Variants in AVL9 observed in about 807,000 individuals in gnomAD.
The protein encoded by AVL9 is late secretory pathway protein AVL9 homolog.
A neutral mutation model predicts 79.2 loss-of-function variants in AVL9; 49 were observed. That is an observed-to-expected ratio of 0.62 (90% CI 0.49 to 0.79). The LOEUF is 0.79. AVL9 is among the 30% of genes least tolerant of loss of function. AVL9 has a pLI of 0.00. For missense variants in AVL9, 682 were observed against 776.8 expected (o/e 0.88, Z 1.45); for synonymous variants, 299 against 280.6 (o/e 1.07, Z -0.65).
At chr7:32,563,464 T>C (rs1203645110) in intron 10 of AVL9, among the ~76,000 whole-genome samples, 1 of 150,490 alleles carries the variant, frequency 6.6e-6, no homozygotes, top group Non-Finnish European at 1.5e-5. Flanking sequence ...CCAAGGTTGG[T>C]TGAATCTGGT....
In AVL9 at chr7:32,575,354, C is replaced by T. The variant is rs960820155; in HGVS notation, c.1571-601C>T. Among the ~76,000 whole-genome samples, 10 of 152,172 alleles carry T rather than the reference C, an allele frequency of 6.6e-5. 1 individual carries two copies. Among genetic ancestry groups the T allele is most frequent in the Non-Finnish European group, 1.5e-4 (10 of 68,022 alleles). ...CCTCCAGTGATCCGCCCTCCTCGAC[C>T]TCCCAAAGTGCTGGGATTACAGGCA... On this transcript the variant is annotated intron_variant, in intron 12 of 15. Transcript: ENST00000318709.
At chr7:32,560,956 TC>T (rs1363707245) in intron 10 of AVL9, among the ~76,000 whole-genome samples, 7 of 152,324 alleles carry the variant, frequency 4.6e-5, no homozygotes, top group Middle Eastern at 6.8e-3. Flanking sequence ...GTGAAAGGAA[TC>T]TTTTTTTATT....
intron 1 of AVL9, among the ~76,000 whole-genome samples, chr7:32,512,504 A>G (rs1266368794): frequency 6.6e-6 from 1 of 152,212 alleles, no homozygotes; most frequent in East Asian, 1.9e-4. Flanking sequence ...GGGAGGGAGC[A>G]CAGAATGGCA....
intron 1 of AVL9, among the ~76,000 whole-genome samples, chr7:32,515,221 A>G (rs369569747): frequency 5.2e-4 from 79 of 152,314 alleles, no homozygotes; most frequent in African/African-American, 1.9e-3. Context: ...GGCAAAATAA[A>G]CTTTCTAAAT....
chr7:32,498,917 A>G (rs1334354077), intron 1 of AVL9, among the ~76,000 whole-genome samples: 1 of 5,044 alleles, frequency 2.0e-4, no homozygotes, highest in Non-Finnish European at 3.6e-4. Flanking sequence ...TAATCCTAAC[A>G]CTTTGGGAGG....
At chr7:32,570,241 A>G (rs755672231) in intron 11 of AVL9, 87 bp downstream of exon 11, 96 of 1,500,722 alleles carry the variant, frequency 6.4e-5, no homozygotes, top group Non-Finnish European at 8.7e-5. Flanking sequence ...TAGTAACAAC[A>G]TTAGTAATGA....
intron 1 of AVL9, among the ~76,000 whole-genome samples, chr7:32,508,973 AG>A (rs1250188014): frequency 6.6e-6 from 1 of 152,224 alleles, no homozygotes; most frequent in Admixed American, 6.5e-5. Flanking sequence ...TCAGCTTGCC[AG>A]GTTCTGCAAA....
chr7:32,582,712 G>T (rs1204851600), intron 15 of AVL9, among the ~76,000 whole-genome samples: 1 of 151,964 alleles, frequency 6.6e-6, no homozygotes, highest in Non-Finnish European at 1.5e-5. Flanking sequence ...CTGAGACAGG[G>T]TCTCACTCTG....
chr7:32,543,043 G>A (rs938363339), intron 1 of AVL9, 98 bp from the exon 2 acceptor site: 21 of 1,493,346 alleles, frequency 1.4e-5, no homozygotes, highest in South Asian at 1.1e-4. Context: ...GGCTTATCCC[G>A]ACTTCTGTCA....
chr7:32,545,990 G>A (rs6951476), intron 3 of AVL9, among the ~76,000 whole-genome samples: 1 of 151,176 alleles, frequency 6.6e-6, no homozygotes, highest in Non-Finnish European at 1.5e-5. Flanking sequence ...TTAAAAGCTC[G>A]CCAGGTGATT....
At chr7:32,542,947 A>G (rs1480929755) in intron 1 of AVL9, among the ~76,000 whole-genome samples, 194 bp from the exon 2 acceptor site, 1 of 152,214 alleles carries the variant, frequency 6.6e-6, no homozygotes, top group Non-Finnish European at 1.5e-5. Context: ...AGAAAGGCTT[A>G]TAAACTTTTC....
chr7:32,526,439 C>T (rs960461922), intron 1 of AVL9, among the ~76,000 whole-genome samples: 6 of 152,036 alleles, frequency 3.9e-5, no homozygotes, highest in Non-Finnish European at 5.9e-5. Flanking sequence ...TATATCAAAA[C>T]GAAATAAGTG....
At chr7:32,518,452 A>G (rs1788002080) in intron 1 of AVL9, among the ~76,000 whole-genome samples, 1 of 152,214 alleles carries the variant, frequency 6.6e-6, no homozygotes. Flanking sequence ...TTTCCAATTA[A>G]AAAATTATAT....
intron 1 of AVL9, among the ~76,000 whole-genome samples, chr7:32,526,736 C>A (rs1788416879): frequency 6.6e-6 from 1 of 151,916 alleles, no homozygotes; most frequent in Non-Finnish European, 1.5e-5. Flanking sequence ...TCAAAAGAGT[C>A]CCAGCGGTTT....
In AVL9 at chr7:32,588,340, G is replaced by A. The variant is rs1791886443; in HGVS notation, c.*4433G>A. 1.3e-5 allele frequency: 2 copies of A among 152,160 alleles called. No individual in the cohort carries two copies. The allele number at this position is 152,160 out of a possible 1,614,324, so 9.4% of individuals were successfully genotyped here. A position where few individuals can be genotyped will look rare whatever the true frequency, so the allele number is the denominator to read the frequency against. On this transcript the variant is annotated 3_prime_UTR_variant, in exon 16 of 16. Transcript: ENST00000318709. Reference sequence around the variant, plus strand: ...GGAAGAATAAGATCAAGGCTTACATGTTTCAGGCCACTTGGTCACTGGTTC... The same window carrying A: ...GGAAGAATAAGATCAAGGCTTACATATTTCAGGCCACTTGGTCACTGGTTC...
intron 1 of AVL9, among the ~76,000 whole-genome samples, chr7:32,511,483 A>T (rs540712926): frequency 1.8e-4 from 27 of 152,222 alleles, no homozygotes; most frequent in African/African-American, 6.0e-4. Flanking sequence ...CCATCTCTCT[A>T]GGATAAGATG....
intron 8 of AVL9, among the ~76,000 whole-genome samples, chr7:32,555,645 A>G (rs2128140243): frequency 6.6e-6 from 1 of 152,338 alleles, no homozygotes; most frequent in African/African-American, 2.4e-5. Flanking sequence ...GACAGACCAT[A>G]TGGCCCGCAA....
chr7:32,530,519 G>C (rs7803258), intron 1 of AVL9, among the ~76,000 whole-genome samples: 2,064 of 152,306 alleles, frequency 0.014, 38 homozygotes, highest in Middle Eastern at 0.048. Context: ...ATATCAGGTA[G>C]AGATTAATAC....
intron 1 of AVL9, among the ~76,000 whole-genome samples, chr7:32,512,907 A>T (rs576556892): frequency 6.6e-6 from 1 of 152,140 alleles, no homozygotes; most frequent in Non-Finnish European, 1.5e-5. Context: ...CACATGTTTC[A>T]TACTGACTCC....
Sources: gnomAD v4.1 joint callset for allele counts (sites outside exome capture counted in the v4.1 genomes callset) on GRCh38, gnomAD v4.1.1 for gene constraint, MANE v1.5 for transcripts, NCBI Gene and HGNC (gene_info 2026-07-23, HGNC 2026-07-21) for gene names.